Variants in SLC5A6 observed in about 807,000 individuals in gnomAD.
The protein encoded by SLC5A6 is solute carrier family 5 member 6.
Under a neutral mutation model 67.9 loss-of-function variants are expected in SLC5A6, and 31 were observed. The ratio of observed to expected loss-of-function variants is 0.46; its 90% confidence interval spans 0.34 to 0.62. SLC5A6 has a LOEUF of 0.62. SLC5A6 is among the 20% of genes least tolerant of loss of function. The pLI, the probability that SLC5A6 is intolerant of heterozygous loss-of-function variation, is 0.01. For synonymous variants in SLC5A6, 343 were observed against 331.0 expected (o/e 1.04, Z -0.39); for missense variants, 673 against 812.8 (o/e 0.83, Z 2.09).
At chr2:27,202,991 A>G (rs1305674678) in intron 11 of SLC5A6, 111 bp from the exon 12 acceptor site, 31 of 1,554,636 alleles carry the variant, frequency 2.0e-5, no homozygotes, top group Non-Finnish European at 2.7e-5. Context: ...CTCTGGAAAC[A>G]AAAGGCATAT....
chr2:27,202,961 C>G (rs1673767117), intron 11 of SLC5A6, 81 bp from the exon 12 acceptor site: 2 of 1,578,112 alleles, frequency 1.3e-6, no homozygotes, highest in Non-Finnish European at 1.7e-6. Flanking sequence ...CCCTGCCCAG[C>G]CAAACTACCA....
In SLC5A6 at chr2:27,207,604, C is replaced by G. The variant is rs1048624025; in HGVS notation, c.47G>C (p.Gly16Ala). 1.9e-6 allele frequency: 3 copies of G among 1,614,188 alleles called. No individual in the cohort carries two copies. Among genetic ancestry groups the G allele is most frequent in the Admixed American group, 1.7e-5 (1 of 60,032 alleles). Residue 16 changes from glycine to alanine, a missense_variant, in exon 3 of 17, where the codon GGC becomes GCC. By Grantham distance (60) the Gly-to-Ala change is moderately conservative. Transcript: ENST00000310574. The surrounding 1 kb of genome is among the most constrained non-coding windows in gnomAD (Gnocchi z 5.5). ...GAAGGTAGACATGCCCACGCTTGTG[C>G]CCGAGGTTGGGGAAAGAGGGGCTGA... ...STSAPLSPTS[G>A]TSVGMSTFSI...
chr2:27,203,294 C>A lies in SLC5A6; in HGVS notation c.1146G>T (p.Leu382=), dbSNP rs908802418. ...NSLATVTMED[L]IRPWFPEFSE... is the part of the protein sequence containing the mutation. ...AGAACTCAGGGAACCAAGGTCGAAT[C>A]AGGTCTTCCATCGTAACAGTTGCCA... Residue 382 remains leucine (L), a synonymous_variant, in exon 11 of 17, where the codon CTG becomes CTT. Coordinates refer to ENST00000310574, the MANE Select transcript of SLC5A6 (RefSeq NM_021095.4). The A allele has an allele frequency of 6.2e-7, 1 of 1,613,988 alleles. No individual in the cohort carries two copies. Among genetic ancestry groups the A allele is most frequent in the African/African-American group, 1.3e-5 (1 of 74,902 alleles).
At position 27,200,377 on chromosome 2, in the gene SLC5A6, G is replaced by A; in HGVS notation, c.*59C>T. On this transcript the variant is annotated 3_prime_UTR_variant, in exon 17 of 17. Coordinates refer to ENST00000310574, the MANE Select transcript of SLC5A6 (RefSeq NM_021095.4). ...CACCAAGACTCATCCCTGTACTACA[G>A]GGTGGCCTCTGGCTATGGCCTGGCA... The A allele has an allele frequency of 6.5e-7, 1 of 1,542,386 alleles. No homozygotes were observed. The highest frequency in any genetic ancestry group is 8.8e-7 in the Non-Finnish European group (1 of 1,137,074).
chr2:27,212,483 T>G (rs1674619129), upstream of SLC5A6: 1 of 1,557,164 alleles, frequency 6.4e-7, no homozygotes, highest in Admixed American at 2.0e-5. Context: ...GAAGCAAGTT[T>G]GAGGTCGGGC....
rs903850569 is a variant in SLC5A6 at position 27,203,525 on chromosome 2, T to C, written c.1095-180A>G. Among the ~76,000 whole-genome samples, 3 of 152,092 alleles carry C rather than the reference T, an allele frequency of 2.0e-5. No individual in the cohort carries two copies. The South Asian group carries it at 6.2e-4, about 32-fold the overall frequency. On this transcript the variant is annotated intron_variant, in intron 10 of 16. Transcript: ENST00000310574. ...GGAAGGCAAGGACACAGTCCTTTTT[T>C]GAATGTGGATATGGGTTTCATTCGA...
In SLC5A6 at chr2:27,203,307, G is replaced by GT. The variant is rs1673791915; in HGVS notation, c.1132dup (p.Thr378AsnfsTer12). The stretch of plus-strand genomic sequence containing the variant: ...CCAAGGTCGAATCAGGTCTTCCATC[G>GT]TAACAGTTGCCAATGAATTAAAAGC... On this transcript the variant is annotated frameshift_variant, in exon 11 of 17. Transcript: ENST00000310574. LOFTEE classifies it high-confidence loss of function. 1 of 1,614,104 alleles carries GT rather than the reference G, an allele frequency of 6.2e-7. No individual in the cohort carries two copies. Among genetic ancestry groups the GT allele is most frequent in the Non-Finnish European group, 8.5e-7 (1 of 1,180,000 alleles).
chr2:27,212,429 C>T (rs1260406597), upstream of SLC5A6: 12 of 1,558,280 alleles, frequency 7.7e-6, no homozygotes, highest in South Asian at 5.9e-5. Context: ...CGCCCTGCTC[C>T]TCGCTCTGGG....
Position 27,210,960 on chromosome 2 carries a change from C to T in SLC5A6, c.-141+507G>A, listed in dbSNP as rs1178261302. Among the ~76,000 whole-genome samples, 4 of 152,090 alleles carry T rather than the reference C, an allele frequency of 2.6e-5. No homozygotes were observed. The South Asian group carries it at 8.3e-4, about 32-fold the overall frequency. The stretch of plus-strand genomic sequence containing the variant: ...AATGGCGTGAACCCGCGAGGCGGAG[C>T]TTGCAGTGAGCCGAGATCGCGCCAC... On this transcript the variant is annotated intron_variant, in intron 2 of 16. Coordinates refer to ENST00000310574, the MANE Select transcript of SLC5A6 (RefSeq NM_021095.4).
upstream of SLC5A6, chr2:27,212,669 A>G: frequency 2.2e-6 from 3 of 1,374,502 alleles, no homozygotes; most frequent in East Asian, 5.6e-5. Context: ...CCGACTTTCA[A>G]AGACCTGTGA....
chr2:27,204,972 G>A (rs900251246), intron 7 of SLC5A6, 41 bp from the exon 8 acceptor site: 1 of 1,606,238 alleles, frequency 6.2e-7, no homozygotes, highest in Non-Finnish European at 8.5e-7. Flanking sequence ...AAGCCTGAGA[G>A]ACACAGCCTT....
intron 2 of SLC5A6, among the ~76,000 whole-genome samples, chr2:27,211,251 C>T (rs201238239): frequency 3.1e-4 from 47 of 152,316 alleles, no homozygotes; most frequent in East Asian, 1.4e-3. Context: ...ATTTGCCAGC[C>T]AGCTAAACGT....
intron 12 of SLC5A6, 32 bp downstream of exon 12, chr2:27,202,781 T>TA: frequency 6.3e-7 from 1 of 1,586,886 alleles, no homozygotes; most frequent in Non-Finnish European, 8.7e-7. Flanking sequence ...TTCTCTCCCT[T>TA]AAAATTGCTT....
At chr2:27,210,533 T>TG (rs1480313196) in intron 2 of SLC5A6, among the ~76,000 whole-genome samples, 2 of 150,210 alleles carry the variant, frequency 1.3e-5, no homozygotes, top group Non-Finnish European at 3.0e-5. Context: ...TGGGTTCAAG[T>TG]GATTCTTCTG....
At chr2:27,205,963 C>T in intron 6 of SLC5A6, 63 bp downstream of exon 6, 1 of 1,234,914 alleles carries the variant, frequency 8.1e-7, no homozygotes, top group Non-Finnish European at 1.2e-6. Flanking sequence ...TTTTCCTTCT[C>T]TTCCCATGTC....
intron 7 of SLC5A6, 154 bp from the exon 8 acceptor site, chr2:27,205,085 C>T (rs1673954382): frequency 6.0e-6 from 5 of 839,092 alleles, no homozygotes; most frequent in Non-Finnish European, 9.2e-6. Flanking sequence ...ACTCGAGAGA[C>T]AGCACAGCCA....
intron 1 of SLC5A6, chr2:27,211,789 C>G (rs991622336): frequency 5.2e-6 from 1 of 190,978 alleles, no homozygotes; most frequent in Non-Finnish European, 1.0e-5. Flanking sequence ...AGATCTCAGA[C>G]CCACGCCGGA....
rs199987825 is a variant in SLC5A6, at chr2:27,212,198, G to C, written c.-386C>G. On this transcript the variant is annotated 5_prime_UTR_variant, in exon 1 of 17. Coordinates refer to ENST00000310574, the MANE Select transcript of SLC5A6 (RefSeq NM_021095.4). ...GGCCAGTATCCCCGAAAGAGGGCTA[G>C]GGCGCATGAAGACCAGCGCAGAGCT... 4 of 1,553,282 alleles carry C rather than the reference G, an allele frequency of 2.6e-6. No individual in the cohort carries two copies.
intron 7 of SLC5A6, chr2:27,205,139 T>A: frequency 1.4e-6 from 1 of 709,630 alleles, no homozygotes; most frequent in Admixed American, 2.9e-5. Flanking sequence ...TCATTCCAGG[T>A]ACTCATCCCA....
Sources: allele counts gnomAD v4.1 joint callset (sites outside exome capture counted in the v4.1 genomes callset), GRCh38; gene constraint gnomAD v4.1.1; non-coding constraint Gnocchi (gnomAD v3.1); transcripts MANE v1.5; gene names NCBI Gene and HGNC (gene_info 2026-07-23, HGNC 2026-07-21).